Variants in SPAG16 observed in about 807,000 individuals in gnomAD.
SPAG16 encodes the protein sperm-associated antigen 16 protein.
A neutral mutation model predicts 80.4 loss-of-function variants in SPAG16; 86 were observed. The ratio of observed to expected loss-of-function variants is 1.07; its 90% CI spans 0.90 to 1.28. The LOEUF (loss-of-function observed/expected upper bound fraction) is 1.28. SPAG16 is among the 50% of genes most tolerant of loss of function. The pLI, the probability that SPAG16 is intolerant of heterozygous loss-of-function variation, is 0.00. For missense variants in SPAG16, 870 were observed against 765.3 expected, an observed-to-expected ratio of 1.14 and a Z score of -1.61; for synonymous variants, 294 against 265.9, an observed-to-expected ratio of 1.11 and a Z score of -1.03.
At chr2:213,523,324 TC>T (rs1477748906) in intron 10 of SPAG16, among the ~76,000 whole-genome samples, 10 of 152,172 alleles carry the variant, frequency 6.6e-5, no homozygotes, top group African/African-American at 2.4e-4. Flanking sequence ...CCTGAGGCCT[TC>T]CCAGCGATGT....
At chr2:213,596,238 G>A (rs1358553525) in intron 10 of SPAG16, among the ~76,000 whole-genome samples, 1 of 152,074 alleles carries the variant, frequency 6.6e-6, no homozygotes, top group Non-Finnish European at 1.5e-5. Flanking sequence ...TTTGATAATG[G>A]TGCAGAGCTT....
chr2:213,728,829 A>G (rs1300605716), intron 10 of SPAG16, among the ~76,000 whole-genome samples: 1 of 138,552 alleles, frequency 7.2e-6, no homozygotes, highest in East Asian at 2.3e-4. Flanking sequence ...GTGAGCTGAG[A>G]TTGCACCACT....
chr2:213,380,420 G>A (rs865909378), intron 9 of SPAG16, among the ~76,000 whole-genome samples: 1 of 152,196 alleles, frequency 6.6e-6, no homozygotes, highest in Non-Finnish European at 1.5e-5. Context: ...GAGACAGAAG[G>A]CAGGGTGACA....
At chr2:214,197,162 G>GA (rs1427110940) in intron 15 of SPAG16, among the ~76,000 whole-genome samples, 2 of 151,968 alleles carry the variant, frequency 1.3e-5, no homozygotes, top group Non-Finnish European at 2.9e-5. Context: ...TGAATGTTAT[G>GA]AAAATAATGT....
At chr2:213,424,457 A>T (rs888129299) in intron 9 of SPAG16, among the ~76,000 whole-genome samples, 1 of 152,230 alleles carries the variant, frequency 6.6e-6, no homozygotes, top group Non-Finnish European at 1.5e-5. Context: ...TAGCAGAGTC[A>T]TATTAAGATA....
At chr2:214,228,074 CT>C (rs902690509) in intron 15 of SPAG16, among the ~76,000 whole-genome samples, 6 of 151,968 alleles carry the variant, frequency 3.9e-5, no homozygotes, top group Admixed American at 3.9e-4. Flanking sequence ...TTCACCAAGT[CT>C]GTCACACAGT....
At chr2:214,217,889 T>C (rs1371914761) in intron 15 of SPAG16, among the ~76,000 whole-genome samples, 1 of 152,174 alleles carries the variant, frequency 6.6e-6, no homozygotes, top group Admixed American at 6.5e-5. Flanking sequence ...GGGCAGTGGG[T>C]CTCAAACTTC....
intron 15 of SPAG16, among the ~76,000 whole-genome samples, chr2:214,219,904 A>T (rs972501180): frequency 2.6e-5 from 4 of 152,106 alleles, no homozygotes; most frequent in African/African-American, 9.7e-5. Flanking sequence ...GACAGTATAA[A>T]CCTTATTAAT....
At chr2:214,379,711 T>C (rs1043559249) in intron 15 of SPAG16, among the ~76,000 whole-genome samples, 30 of 152,212 alleles carry the variant, frequency 2.0e-4, no homozygotes, top group African/African-American at 7.0e-4. Flanking sequence ...AGGCCTGTTC[T>C]TTCCTTTAAT....
intron 15 of SPAG16, among the ~76,000 whole-genome samples, chr2:214,273,153 T>G (rs1326060297): frequency 6.6e-6 from 1 of 152,212 alleles, no homozygotes; most frequent in Non-Finnish European, 1.5e-5. Flanking sequence ...GTTTTTTTCT[T>G]GTAAATTTGT....
At chr2:214,089,147 T>G (rs1018975230) in intron 13 of SPAG16, among the ~76,000 whole-genome samples, 61 of 152,070 alleles carry the variant, frequency 4.0e-4, no homozygotes, top group Admixed American at 1.5e-3. Context: ...GTTGTTTTTT[T>G]GGGCACTGCT....
At chr2:213,836,649 G>T (rs926570003) in intron 10 of SPAG16, among the ~76,000 whole-genome samples, 1 of 151,200 alleles carries the variant, frequency 6.6e-6, no homozygotes, top group East Asian at 1.9e-4. Context: ...TCTTGCTCTT[G>T]TTGCCCAGGC....
At chr2:213,953,697 A>G (rs1176953593) in intron 12 of SPAG16, among the ~76,000 whole-genome samples, 3 of 152,004 alleles carry the variant, frequency 2.0e-5, no homozygotes, top group Non-Finnish European at 2.9e-5. Context: ...TATGTAAAGT[A>G]TTAACAGAAA....
At chr2:213,778,395 A>G (rs1294072489) in intron 10 of SPAG16, among the ~76,000 whole-genome samples, 1 of 152,200 alleles carries the variant, frequency 6.6e-6, no homozygotes, top group Non-Finnish European at 1.5e-5. Flanking sequence ...CTTAATTACT[A>G]AAGTCAAATA....
intron 10 of SPAG16, among the ~76,000 whole-genome samples, chr2:213,655,897 A>G (rs553866068): frequency 6.6e-6 from 1 of 152,316 alleles, no homozygotes; most frequent in Admixed American, 6.5e-5. Flanking sequence ...TTTTAGCTTT[A>G]TATTAAAAAA....
At chr2:214,135,715 G>GTCTCTCTGTCTCTCTCTCTCTCTC (rs2055012616) in intron 14 of SPAG16, among the ~76,000 whole-genome samples, 2 of 139,218 alleles carry the variant, frequency 1.4e-5, no homozygotes, top group Admixed American at 1.4e-4. Flanking sequence ...CTCTCTCTCT[G>GTCTCTCTGTCTCTCTCTCTCTCTC]TCTCTCTGTC....
intron 7 of SPAG16, among the ~76,000 whole-genome samples, chr2:213,352,806 C>T (rs947614322): frequency 1.1e-4 from 17 of 152,134 alleles, no homozygotes; most frequent in African/African-American, 4.1e-4. Flanking sequence ...TCTTTATTAT[C>T]TGCAACTGGT....
chr2:213,902,679 G>A (rs774989042), intron 11 of SPAG16, among the ~76,000 whole-genome samples: 10 of 152,084 alleles, frequency 6.6e-5, no homozygotes, highest in Non-Finnish European at 1.0e-4. Flanking sequence ...CAAATCTCAC[G>A]TCCTCACATT....
chr2:214,041,711 C>G (rs1415342567), intron 13 of SPAG16, among the ~76,000 whole-genome samples: 1 of 151,510 alleles, frequency 6.6e-6, no homozygotes, highest in East Asian at 1.9e-4. Flanking sequence ...ATGCCAACCT[C>G]TTGAAGACTG....
Sources: allele counts gnomAD v4.1 joint callset (sites outside exome capture counted in the v4.1 genomes callset), GRCh38; gene constraint gnomAD v4.1.1; transcripts MANE v1.5; gene names NCBI Gene and HGNC (gene_info 2026-07-23, HGNC 2026-07-21).